FMNL2: variants seen among roughly 807,000 people sequenced by gnomAD.
FMNL2 encodes formin-like protein 2.
In FMNL2, 51 loss-of-function variants were observed where a neutral mutation model predicts 130.2. The ratio of observed to expected loss-of-function variants is 0.39; its 90% CI spans 0.31 to 0.49. The LOEUF (loss-of-function observed/expected upper bound fraction) is 0.49. Ranked by LOEUF, FMNL2 falls within the 20% of genes least tolerant of loss-of-function variation. The probability of loss-of-function intolerance (pLI) is 0.85; values close to 1 mark genes in which losing one functional copy is unlikely to be tolerated. For synonymous variants in FMNL2, 465 were observed against 467.1 expected (o/e 1.00, Z 0.06); for missense variants, 977 against 1,316.2 (o/e 0.74, Z 3.99).
chr2:152,482,982 A>C (rs1299673253), intron 1 of FMNL2, among the ~76,000 whole-genome samples: 1 of 152,152 alleles, frequency 6.6e-6, no homozygotes, highest in Admixed American at 6.5e-5. Context: ...CTGTGATTAC[A>C]GGCTCACTGG....
At chr2:152,616,651 C>T (rs1268419892) in intron 12 of FMNL2, among the ~76,000 whole-genome samples, 1 of 152,120 alleles carries the variant, frequency 6.6e-6, no homozygotes, top group Non-Finnish European at 1.5e-5. Context: ...TTTGGTCAAA[C>T]CAAGCAGTAG....
chr2:152,543,198 C>T (rs1694407508), intron 3 of FMNL2, among the ~76,000 whole-genome samples: 1 of 152,184 alleles, frequency 6.6e-6, no homozygotes, highest in Non-Finnish European at 1.5e-5. Flanking sequence ...CTTGAAAAAT[C>T]ACTGGGCCTT....
intron 1 of FMNL2, among the ~76,000 whole-genome samples, chr2:152,336,282 C>T (rs1319696686): frequency 6.6e-6 from 1 of 152,052 alleles, no homozygotes; most frequent in African/African-American, 2.4e-5. Flanking sequence ...GGGAGCTTCC[C>T]CGAAAGGGAA....
chr2:152,631,536 C>G (rs1446810452), intron 20 of FMNL2, among the ~76,000 whole-genome samples: 1 of 152,026 alleles, frequency 6.6e-6, no homozygotes, highest in Admixed American at 6.6e-5. Flanking sequence ...CGTGGATCCA[C>G]TTGACAAAGG....
intron 1 of FMNL2, among the ~76,000 whole-genome samples, chr2:152,393,151 A>G (rs1209199375): frequency 6.6e-6 from 1 of 152,182 alleles, no homozygotes; most frequent in African/African-American, 2.4e-5. Flanking sequence ...AGTTGCCTCT[A>G]TGTAGTACAT....
intron 2 of FMNL2, among the ~76,000 whole-genome samples, chr2:152,532,140 G>A (rs917752369): frequency 1.3e-5 from 2 of 152,084 alleles, no homozygotes; most frequent in Non-Finnish European, 2.9e-5. Flanking sequence ...TTTATTTCCT[G>A]CAAAAGTATT....
At chr2:152,376,224 G>T (rs1684164033) in intron 1 of FMNL2, among the ~76,000 whole-genome samples, 1 of 152,102 alleles carries the variant, frequency 6.6e-6, no homozygotes, top group East Asian at 1.9e-4. Flanking sequence ...AAATTCTGTG[G>T]AATATACAGC....
chr2:152,416,507 A>G (rs941800788), intron 1 of FMNL2, among the ~76,000 whole-genome samples: 5 of 152,242 alleles, frequency 3.3e-5, no homozygotes, highest in African/African-American at 1.2e-4. Flanking sequence ...GATGGTTGGC[A>G]AAGCTTCCAT....
intron 1 of FMNL2, among the ~76,000 whole-genome samples, chr2:152,438,961 T>A (rs1687915841): frequency 6.6e-6 from 1 of 152,124 alleles, no homozygotes; most frequent in African/African-American, 2.4e-5. Context: ...CAAAAATGGT[T>A]TATTTGGGAT....
intron 9 of FMNL2, among the ~76,000 whole-genome samples, chr2:152,597,462 C>T (rs946902960): frequency 1.3e-5 from 2 of 152,148 alleles, no homozygotes; most frequent in South Asian, 2.1e-4. Context: ...AGATGTGTAT[C>T]TAGGGGTTGA....
intron 1 of FMNL2, among the ~76,000 whole-genome samples, chr2:152,517,223 T>A (rs987743503): frequency 2.0e-5 from 3 of 152,160 alleles, no homozygotes; most frequent in Admixed American, 6.5e-5. Flanking sequence ...TATCATGGAA[T>A]GATGTTTTAC....
chr2:152,515,911 T>C (rs1692739776), intron 1 of FMNL2, among the ~76,000 whole-genome samples: 1 of 152,140 alleles, frequency 6.6e-6, no homozygotes, highest in Admixed American at 6.5e-5. Context: ...CTGTGGGGTG[T>C]TTACTAATTT....
chr2:152,636,338 A>C, intron 21 of FMNL2, 89 bp from the exon 22 acceptor site: 1 of 1,400,004 alleles, frequency 7.1e-7, no homozygotes. Context: ...AAGCCTAAGA[A>C]TCTCCTGAGA....
intron 1 of FMNL2, among the ~76,000 whole-genome samples, chr2:152,347,928 G>GTTTTTTTTT (rs11384938): frequency 1.3e-5 from 2 of 148,168 alleles, no homozygotes; most frequent in Non-Finnish European, 3.0e-5. Context: ...TAACTTGGAA[G>GTTTTTTTTT]TTTTTTTTTT....
At chr2:152,464,508 T>C (rs2105144725) in intron 1 of FMNL2, among the ~76,000 whole-genome samples, 1 of 152,214 alleles carries the variant, frequency 6.6e-6, no homozygotes, top group Middle Eastern at 3.4e-3. Flanking sequence ...TCCAGTGAAA[T>C]TGTTTGGGGG....
intron 25 of FMNL2, chr2:152,643,735 G>A (rs752431633): frequency 6.1e-6 from 6 of 985,292 alleles, no homozygotes; most frequent in Non-Finnish European, 7.2e-6. Flanking sequence ...TCACATTGCT[G>A]TAACAGTCTG....
intron 1 of FMNL2, among the ~76,000 whole-genome samples, chr2:152,430,464 A>G (rs1687434837): frequency 6.6e-6 from 1 of 152,250 alleles, no homozygotes; most frequent in African/African-American, 2.4e-5. Context: ...GGCCTTCTGC[A>G]TGCCTTAGAG....
At chr2:152,442,238 T>C (rs1370412417) in intron 1 of FMNL2, among the ~76,000 whole-genome samples, 1 of 151,948 alleles carries the variant, frequency 6.6e-6, no homozygotes, top group African/African-American at 2.4e-5. Context: ...CTTTTTCTTT[T>C]TTTCTTTCTT....
intron 15 of FMNL2, among the ~76,000 whole-genome samples, chr2:152,622,998 G>A (rs1681468425): frequency 6.6e-6 from 1 of 152,016 alleles, no homozygotes. Context: ...GTGTCCAGTG[G>A]TCACCTATGT....
Sources: allele counts gnomAD v4.1 joint callset (sites outside exome capture counted in the v4.1 genomes callset), GRCh38; gene constraint gnomAD v4.1.1; transcripts MANE v1.5; gene names NCBI Gene and HGNC (gene_info 2026-07-23, HGNC 2026-07-21).